The following LRMDA variants were observed in gnomAD, a reference collection of about 807,000 sequenced individuals.
LRMDA encodes the protein leucine-rich melanocyte differentiation-associated protein.
A neutral mutation model predicts 29.8 loss-of-function variants in LRMDA; 18 were observed. The ratio of observed to expected loss-of-function variants is 0.60; its 90% CI spans 0.42 to 0.90. LRMDA has a LOEUF of 0.90. Ranked by LOEUF, LRMDA falls within the 40% of genes least tolerant of loss-of-function variation. The probability of loss-of-function intolerance (pLI) is 0.00; values close to 1 mark genes in which losing one functional copy is unlikely to be tolerated. For missense variants in LRMDA, 273 were observed against 273.9 expected (o/e 1.00, Z 0.02); for synonymous variants, 125 against 109.4 (o/e 1.14, Z -0.89).
intron 6 of LRMDA, among the ~76,000 whole-genome samples, chr10:76,352,328 A>G (rs1841187197): frequency 6.6e-6 from 1 of 152,142 alleles, no homozygotes; most frequent in African/African-American, 2.4e-5. Flanking sequence ...ATAAAATAGA[A>G]CAATTATAAG....
At chr10:76,533,619 A>T (rs1843259027) in intron 6 of LRMDA, among the ~76,000 whole-genome samples, 1 of 152,138 alleles carries the variant, frequency 6.6e-6, no homozygotes, top group Admixed American at 6.5e-5. Flanking sequence ...GCACCTATGG[A>T]TTTCTATTTT....
At chr10:75,965,873 C>A (rs1204378506) in intron 2 of LRMDA, among the ~76,000 whole-genome samples, 2 of 152,190 alleles carry the variant, frequency 1.3e-5, no homozygotes, top group Admixed American at 1.3e-4. Context: ...CTCCTTGACA[C>A]TGGGTTTATA....
intron 2 of LRMDA, among the ~76,000 whole-genome samples, chr10:75,446,448 TAGTC>T (rs1844398307): frequency 6.6e-6 from 1 of 152,240 alleles, no homozygotes; most frequent in South Asian, 2.1e-4. Context: ...TCCTCACAGA[TAGTC>T]AGGATTTCAT....
chr10:75,789,512 G>T (rs1282007827), intron 2 of LRMDA, among the ~76,000 whole-genome samples: 2 of 152,200 alleles, frequency 1.3e-5, no homozygotes, highest in Non-Finnish European at 2.9e-5. Flanking sequence ...CTAGGGGTAG[G>T]TGTGTAAGCT....
intron 2 of LRMDA, among the ~76,000 whole-genome samples, chr10:75,805,683 T>C (rs1843838815): frequency 6.6e-6 from 1 of 152,214 alleles, no homozygotes; most frequent in African/African-American, 2.4e-5. Context: ...ATATGCCTTG[T>C]GTGGGCACTA....
intron 2 of LRMDA, among the ~76,000 whole-genome samples, chr10:75,768,764 CTG>C (rs1476905765): frequency 9.9e-5 from 15 of 152,118 alleles, no homozygotes; most frequent in African/African-American, 3.6e-4. Flanking sequence ...TAAAAAGTAA[CTG>C]TGTTATATAG....
At chr10:76,346,910 A>T (rs1041774354) in intron 6 of LRMDA, among the ~76,000 whole-genome samples, 1 of 152,058 alleles carries the variant, frequency 6.6e-6, no homozygotes, top group Non-Finnish European at 1.5e-5. Context: ...ATACAACTAC[A>T]CTGAATACAT....
intron 6 of LRMDA, among the ~76,000 whole-genome samples, chr10:76,386,910 A>G (rs1288971347): frequency 6.6e-6 from 1 of 152,144 alleles, no homozygotes; most frequent in Non-Finnish European, 1.5e-5. Context: ...AGATGTGATT[A>G]TACAAAACTA....
At chr10:76,110,492 G>A (rs1204786904) in intron 5 of LRMDA, among the ~76,000 whole-genome samples, 1 of 152,156 alleles carries the variant, frequency 6.6e-6, no homozygotes, top group Non-Finnish European at 1.5e-5. Flanking sequence ...GCTTAGTCTT[G>A]CTTTTAGGGT....
chr10:76,042,037 A>G (rs1445105811), intron 3 of LRMDA, among the ~76,000 whole-genome samples: 2 of 152,220 alleles, frequency 1.3e-5, no homozygotes, highest in African/African-American at 2.4e-5. Flanking sequence ...TTGACAAAAA[A>G]GAAATGTGAG....
chr10:76,265,119 G>C (rs1211553565), intron 5 of LRMDA, among the ~76,000 whole-genome samples: 1 of 152,118 alleles, frequency 6.6e-6, no homozygotes, highest in African/African-American at 2.4e-5. Flanking sequence ...CTGCACAGGG[G>C]CACTCTCTGT....
At chr10:76,148,776 G>C (rs1177635348) in intron 5 of LRMDA, among the ~76,000 whole-genome samples, 1 of 152,188 alleles carries the variant, frequency 6.6e-6, no homozygotes. Flanking sequence ...CCCATCTTCT[G>C]TGTTGCTCAC....
At chr10:76,329,347 G>A (rs1008207131) in intron 6 of LRMDA, among the ~76,000 whole-genome samples, 2 of 152,136 alleles carry the variant, frequency 1.3e-5, no homozygotes, top group African/African-American at 4.8e-5. Flanking sequence ...ATTTCAACTT[G>A]TCTGCACGCA....
chr10:76,226,211 G>A (rs1851954785), intron 5 of LRMDA, among the ~76,000 whole-genome samples: 1 of 152,114 alleles, frequency 6.6e-6, no homozygotes, highest in East Asian at 1.9e-4. Context: ...ATAGTGGAAG[G>A]GAAAGCAAAC....
At chr10:75,701,246 T>C (rs190018437) in intron 2 of LRMDA, among the ~76,000 whole-genome samples, 6 of 152,276 alleles carry the variant, frequency 3.9e-5, no homozygotes, top group Admixed American at 3.3e-4. Flanking sequence ...CATACCACAA[T>C]AGAATATTTG....
intron 2 of LRMDA, among the ~76,000 whole-genome samples, chr10:75,594,774 A>G (rs910893417): frequency 1.1e-4 from 17 of 152,220 alleles, no homozygotes; most frequent in African/African-American, 3.6e-4. Context: ...AATATTATTC[A>G]TCATTTTGTT....
At chr10:76,033,996 G>A (rs60082938) in intron 2 of LRMDA, among the ~76,000 whole-genome samples, 2,818 of 152,046 alleles carry the variant, frequency 0.019, 96 homozygotes, top group African/African-American at 0.064. Context: ...AAAAAAAACA[G>A]CGTATGCTAG....
At chr10:75,986,935 T>G (rs1327109098) in intron 2 of LRMDA, among the ~76,000 whole-genome samples, 2 of 152,252 alleles carry the variant, frequency 1.3e-5, no homozygotes, top group Non-Finnish European at 2.9e-5. Context: ...ATTTTGGAGG[T>G]GCATAGCTAC....
intron 6 of LRMDA, among the ~76,000 whole-genome samples, chr10:76,524,234 G>T (rs1049829199): frequency 6.6e-6 from 1 of 152,110 alleles, no homozygotes; most frequent in South Asian, 2.1e-4. Flanking sequence ...TGTGAGCCCC[G>T]CATTCAACTT....
Sources: gnomAD v4.1 joint callset for allele counts (sites outside exome capture counted in the v4.1 genomes callset) on GRCh38, gnomAD v4.1.1 for gene constraint, MANE v1.5 for transcripts, NCBI Gene and HGNC (gene_info 2026-07-23, HGNC 2026-07-21) for gene names.